Variants in CRACR2A observed in about 807,000 individuals in gnomAD.
CRACR2A encodes calcium release activated channel regulator 2A.
CRACR2A carries 79 observed loss-of-function variants against 90.5 expected under a neutral mutation model. The observed-to-expected ratio is 0.87, with a 90% CI of 0.73 to 1.05. The LOEUF is 1.05. Ranked by LOEUF, CRACR2A falls within the 50% of genes least tolerant of loss-of-function variation. CRACR2A has a pLI of 0.00. For missense variants in CRACR2A, 823 were observed against 897.2 expected (o/e 0.92, Z 1.06); for synonymous variants, 338 against 356.7 (o/e 0.95, Z 0.59).
At chr12:3,622,791 T>G (rs535786190) in intron 17 of CRACR2A, among the ~76,000 whole-genome samples, 8 of 152,222 alleles carry the variant, frequency 5.3e-5, no homozygotes, top group African/African-American at 9.6e-5. Flanking sequence ...GCCTGCAAAA[T>G]TATATCTTGG....
intron 3 of CRACR2A, among the ~76,000 whole-genome samples, chr12:3,707,878 G>C (rs1945951981): frequency 6.6e-6 from 1 of 152,032 alleles, no homozygotes; most frequent in African/African-American, 2.4e-5. Flanking sequence ...TTTTGTTTTT[G>C]CAATTATGCT....
rs956483217 is a variant in CRACR2A, at chr12:3,648,233, C to T, written c.1118+309G>A. 9.6e-6 allele frequency: 12 copies of T among 1,251,360 alleles called. No individual in the cohort carries two copies. The Admixed American group carries it at 1.8e-4, about 19-fold the overall frequency. 77.5% of individuals were successfully genotyped at this position (1,251,360 alleles called of 1,614,324 possible). A position where few individuals can be genotyped will look rare whatever the true frequency, so the allele number is the denominator to read the frequency against. On this transcript the variant is annotated intron_variant, in intron 11 of 19. Transcript: ENST00000440314. The stretch of plus-strand genomic sequence containing the variant: ...ATATTTCTAGCATAGATTAAATGCT[C>T]ATTAAACCCAGCTCTGCTCGCATGA...
At chr12:3,635,881 A>T (rs1944445720) in intron 14 of CRACR2A, among the ~76,000 whole-genome samples, 1 of 152,166 alleles carries the variant, frequency 6.6e-6, no homozygotes, top group Non-Finnish European at 1.5e-5. Context: ...ATTCCTTCCA[A>T]CTTTTCTTTA....
chr12:3,747,789 C>T (rs1946648144), intron 1 of CRACR2A, among the ~76,000 whole-genome samples: 1 of 152,224 alleles, frequency 6.6e-6, no homozygotes, highest in South Asian at 2.1e-4. Context: ...TCCAGCTTGT[C>T]CTGGTGCACC....
chr12:3,712,191 C>T (rs898290951), intron 3 of CRACR2A, among the ~76,000 whole-genome samples: 7 of 151,144 alleles, frequency 4.6e-5, no homozygotes, highest in African/African-American at 1.7e-4. Flanking sequence ...CAAGTGTGAA[C>T]TTTGCCACCC....
At chr12:3,654,948 AAC>A in intron 9 of CRACR2A, among the ~76,000 whole-genome samples, 1 of 152,304 alleles carries the variant, frequency 6.6e-6, no homozygotes, top group South Asian at 2.1e-4. Context: ...AAATAACTAA[AAC>A]AGTTCAAACA....
chr12:3,697,234 A>G (rs1185148784), intron 3 of CRACR2A, among the ~76,000 whole-genome samples, 199 bp from the exon 4 acceptor site: 1 of 152,186 alleles, frequency 6.6e-6, no homozygotes, highest in African/African-American at 2.4e-5. Flanking sequence ...CAAGCCCATC[A>G]AAGGGAGGAG....
chr12:3,701,486 T>C (rs550334019), intron 3 of CRACR2A, among the ~76,000 whole-genome samples: 51 of 152,226 alleles, frequency 3.4e-4, no homozygotes, highest in African/African-American at 1.2e-3. Flanking sequence ...TGAGGTGATA[T>C]CATTACAGAT....
At chr12:3,654,962 A>C (rs1944871599) in intron 9 of CRACR2A, among the ~76,000 whole-genome samples, 1 of 152,206 alleles carries the variant, frequency 6.6e-6, no homozygotes, top group Non-Finnish European at 1.5e-5. Context: ...GTTCAAACAG[A>C]ACATAGACCT....
At chr12:3,663,986 G>A (rs1380333191) in intron 7 of CRACR2A, among the ~76,000 whole-genome samples, 1 of 152,156 alleles carries the variant, frequency 6.6e-6, no homozygotes, top group Non-Finnish European at 1.5e-5. Context: ...GCTATTTCTA[G>A]TCCATCTTTC....
chr12:3,699,276 G>A (rs1398946229), intron 3 of CRACR2A, among the ~76,000 whole-genome samples: 1 of 152,116 alleles, frequency 6.6e-6, no homozygotes. Context: ...ATTTTAACGG[G>A]AACGTCTTTA....
At chr12:3,675,326 C>A (rs1008458549) in intron 6 of CRACR2A, among the ~76,000 whole-genome samples, 90 of 151,976 alleles carry the variant, frequency 5.9e-4, no homozygotes, top group African/African-American at 2.2e-3. Context: ...TGGGTGGTGA[C>A]CTCCCATCCC....
chr12:3,658,419 C>T (rs983271493), intron 8 of CRACR2A, among the ~76,000 whole-genome samples: 1 of 152,068 alleles, frequency 6.6e-6, no homozygotes, highest in African/African-American at 2.4e-5. Context: ...TTCTCAGGAA[C>T]TATTTTGGGA....
At chr12:3,707,426 T>C (rs558467052) in intron 3 of CRACR2A, among the ~76,000 whole-genome samples, 14 of 152,250 alleles carry the variant, frequency 9.2e-5, no homozygotes, top group Non-Finnish European at 2.1e-4. Flanking sequence ...CTCTGTGAGA[T>C]GGTTGCTGTT....
At chr12:3,620,037 G>A (rs1944103590) in intron 17 of CRACR2A, among the ~76,000 whole-genome samples, 1 of 152,258 alleles carries the variant, frequency 6.6e-6, no homozygotes, top group South Asian at 2.1e-4. Flanking sequence ...GGCCATAGCA[G>A]CTGCACTGCT....
At chr12:3,699,739 C>T (rs1032287772) in intron 3 of CRACR2A, among the ~76,000 whole-genome samples, 1 of 152,174 alleles carries the variant, frequency 6.6e-6, no homozygotes, top group Admixed American at 6.5e-5. Context: ...AACCAGTAGA[C>T]AGGCACCATG....
chr12:3,644,168 GA>G (rs1050838337), intron 12 of CRACR2A, among the ~76,000 whole-genome samples: 3 of 150,760 alleles, frequency 2.0e-5, no homozygotes, highest in African/African-American at 7.3e-5. Flanking sequence ...AATCAAGTAT[GA>G]AAACAGTGAA....
At chr12:3,619,415 G>C in intron 17 of CRACR2A, 43 bp from the exon 18 acceptor site, 1 of 1,491,518 alleles carries the variant, frequency 6.7e-7, no homozygotes, top group South Asian at 1.2e-5. Flanking sequence ...GGTGTCATAG[G>C]ATTGCCCAGA....
chr12:3,671,804 C>T (rs1029219829), intron 7 of CRACR2A, among the ~76,000 whole-genome samples: 1 of 152,248 alleles, frequency 6.6e-6, no homozygotes, highest in Middle Eastern at 3.4e-3. Flanking sequence ...ACTTATGTGC[C>T]AGCACTGTTC....
Sources: gnomAD v4.1 joint callset for allele counts (sites outside exome capture counted in the v4.1 genomes callset) on GRCh38, gnomAD v4.1.1 for gene constraint, MANE v1.5 for transcripts, NCBI Gene and HGNC (gene_info 2026-07-23, HGNC 2026-07-21) for gene names.